The following TRPC5 variants were observed in gnomAD, a reference collection of about 807,000 sequenced individuals.
The protein encoded by TRPC5 is transient receptor potential cation channel subfamily C member 5.
In TRPC5, 9 loss-of-function variants were observed where a neutral mutation model predicts 56.5. That is an observed-to-expected ratio of 0.16 (90% CI 0.10 to 0.28). TRPC5 has a LOEUF of 0.28. Among genes scored for constraint, TRPC5 ranks in the 10% least tolerant of loss-of-function variants. The pLI is 1.00. For synonymous variants in TRPC5, 282 were observed against 278.5 expected (o/e 1.01, Z -0.13); for missense variants, 469 against 748.9 (o/e 0.63, Z 4.36).
At chrX:111,940,419 G>A (rs374013649) in intron 2 of TRPC5, among the ~76,000 whole-genome samples, 7 of 111,417 alleles carry the variant, frequency 6.3e-5, no homozygotes, top group East Asian at 2.8e-4. Flanking sequence ...GGCCAGGCGC[G>A]GTGGCTCACG....
At chrX:111,907,229 T>C (rs912162231) in intron 3 of TRPC5, among the ~76,000 whole-genome samples, 1 of 110,707 alleles carries the variant, frequency 9.0e-6, no homozygotes, top group Admixed American at 9.7e-5. Flanking sequence ...AAGATGTTAA[T>C]ATGTTTTTTT....
At chrX:112,000,727 C>T (rs1293334324) in intron 1 of TRPC5, among the ~76,000 whole-genome samples, 1 of 112,249 alleles carries the variant, frequency 8.9e-6, no homozygotes, top group Non-Finnish European at 1.9e-5. Context: ...AAGCACCTAA[C>T]AAAAATGCAA....
chrX:111,825,041 C>T (rs1044143463), intron 7 of TRPC5, among the ~76,000 whole-genome samples: 4 of 111,600 alleles, frequency 3.6e-5, no homozygotes, highest in Non-Finnish European at 7.5e-5. Flanking sequence ...ATGATTCAAT[C>T]AGATACGTGT....
intron 6 of TRPC5, among the ~76,000 whole-genome samples, chrX:111,843,415 A>G (rs1490981513): frequency 8.9e-6 from 1 of 112,108 alleles, no homozygotes; most frequent in African/African-American, 3.2e-5. Context: ...GTTAGAGTGG[A>G]TAAGAAAGGC....
At chrX:111,810,155 C>T (rs937715137) in intron 7 of TRPC5, among the ~76,000 whole-genome samples, 9 of 110,949 alleles carry the variant, frequency 8.1e-5, no homozygotes, top group Admixed American at 3.8e-4. Context: ...CCTCGTGATC[C>T]GCCCGCCTCG....
intron 1 of TRPC5, among the ~76,000 whole-genome samples, chrX:112,038,733 G>T (rs1929815024): frequency 9.2e-6 from 1 of 108,768 alleles, no homozygotes; most frequent in Non-Finnish European, 1.9e-5. Flanking sequence ...CCAGGCTGGA[G>T]TGCAATGGCG....
chrX:111,885,250 C>T (rs1369001272), intron 3 of TRPC5, among the ~76,000 whole-genome samples: 1 of 112,521 alleles, frequency 8.9e-6, no homozygotes, highest in Non-Finnish European at 1.9e-5. Flanking sequence ...TAGCAAGGGC[C>T]TGGGCCTGTT....
intron 1 of TRPC5, among the ~76,000 whole-genome samples, chrX:112,043,694 G>T (rs2147728707): frequency 9.3e-6 from 1 of 107,229 alleles, no homozygotes; most frequent in Admixed American, 9.9e-5. Flanking sequence ...GAGGAGAAAT[G>T]TCCTTGCCTA....
intron 3 of TRPC5, among the ~76,000 whole-genome samples, chrX:111,869,711 A>T (rs758684102): frequency 6.2e-5 from 7 of 112,246 alleles, no homozygotes; most frequent in Admixed American, 3.8e-4. Flanking sequence ...AAAAAGAACT[A>T]GTGCAACAGA....
intron 2 of TRPC5, among the ~76,000 whole-genome samples, chrX:111,937,429 T>C (rs1422051010): frequency 9.6e-6 from 1 of 103,806 alleles, no homozygotes; most frequent in African/African-American, 3.6e-5. Context: ...CATGCCTATG[T>C]CCTGAATGGT....
chrX:111,915,751 C>G (rs1019949322), intron 2 of TRPC5, among the ~76,000 whole-genome samples: 3 of 111,508 alleles, frequency 2.7e-5, no homozygotes, highest in African/African-American at 9.8e-5. Flanking sequence ...TAGCACAGTG[C>G]TAGACACACA....
intron 7 of TRPC5, among the ~76,000 whole-genome samples, chrX:111,783,120 T>G (rs1945934095): frequency 8.9e-6 from 1 of 112,232 alleles, no homozygotes; most frequent in African/African-American, 3.2e-5. Context: ...CATCTGTGTT[T>G]TCGTATGTAT....
chrX:111,824,784 G>A (rs1922138000), intron 7 of TRPC5, among the ~76,000 whole-genome samples: 1 of 111,934 alleles, frequency 8.9e-6, no homozygotes, highest in African/African-American at 3.3e-5. Flanking sequence ...TGTTGGGGCA[G>A]GGGGGACTTC....
intron 3 of TRPC5, among the ~76,000 whole-genome samples, chrX:111,905,269 T>G (rs1925548851): frequency 9.0e-6 from 1 of 110,907 alleles, no homozygotes; most frequent in Admixed American, 9.7e-5. Flanking sequence ...CTTATATTTT[T>G]TCAGAGATCC....
intron 1 of TRPC5, among the ~76,000 whole-genome samples, chrX:111,993,904 T>TA (rs1478117940): frequency 8.9e-6 from 1 of 112,156 alleles, no homozygotes; most frequent in Non-Finnish European, 1.9e-5. Context: ...CTCTTTAGTT[T>TA]AATTAGATCT....
At chrX:111,905,831 C>T (rs757704237) in intron 3 of TRPC5, among the ~76,000 whole-genome samples, 45 of 104,799 alleles carry the variant, frequency 4.3e-4, no homozygotes, top group South Asian at 1.3e-3. Flanking sequence ...AGGAGAATGG[C>T]GTGAACCTGG....
At chrX:111,814,946 C>T (rs1921814790) in intron 7 of TRPC5, among the ~76,000 whole-genome samples, 1 of 111,412 alleles carries the variant, frequency 9.0e-6, no homozygotes, top group East Asian at 2.8e-4. Context: ...GTTCCCAATT[C>T]CCCTCACACT....
At chrX:111,986,036 G>A (rs997311034) in intron 1 of TRPC5, among the ~76,000 whole-genome samples, 1 of 111,860 alleles carries the variant, frequency 8.9e-6, no homozygotes, top group Non-Finnish European at 1.9e-5. Flanking sequence ...TGAATGATAT[G>A]TCTTCTGGAC....
chrX:111,802,919 G>T (rs1456969115), intron 7 of TRPC5, among the ~76,000 whole-genome samples: 1 of 110,203 alleles, frequency 9.1e-6, no homozygotes, highest in African/African-American at 3.3e-5. Context: ...ACAACCTGCA[G>T]GTTCAATACA....
Sources: gnomAD v4.1 joint callset for allele counts (sites outside exome capture counted in the v4.1 genomes callset) on GRCh38, gnomAD v4.1.1 for gene constraint, MANE v1.5 for transcripts, NCBI Gene and HGNC (gene_info 2026-07-23, HGNC 2026-07-21) for gene names.